ZNF713: variants seen among roughly 807,000 people sequenced by gnomAD.
ZNF713 encodes the protein zinc finger protein 713.
In ZNF713, 21 loss-of-function variants were observed where a neutral mutation model predicts 28.7. The ratio of observed to expected loss-of-function variants is 0.73; its 90% CI spans 0.52 to 1.05. ZNF713 has a LOEUF of 1.05. Among genes scored for constraint, ZNF713 ranks in the 50% least tolerant of loss-of-function variants. The pLI, the probability that ZNF713 is intolerant of heterozygous loss-of-function variation, is 0.00. For missense variants in ZNF713, 458 were observed against 532.4 expected (o/e 0.86, Z 1.37); for synonymous variants, 167 against 178.0 (o/e 0.94, Z 0.49).
intron 1 of ZNF713, among the ~76,000 whole-genome samples, chr7:55,890,136 C>T (rs1785351657): frequency 6.6e-6 from 1 of 152,106 alleles, no homozygotes; most frequent in Admixed American, 6.6e-5. Context: ...ATTAAGACCC[C>T]ACCTTTATGA....
intron 4 of ZNF713, among the ~76,000 whole-genome samples, chr7:55,913,181 A>G (rs1584306859): frequency 6.8e-6 from 1 of 146,500 alleles, no homozygotes; most frequent in African/African-American, 2.5e-5. Flanking sequence ...ACCTGTTTAA[A>G]TCTGTTTTGA....
chr7:55,906,683 TA>T (rs1268634683), intron 2 of ZNF713, among the ~76,000 whole-genome samples: 2 of 152,188 alleles, frequency 1.3e-5, no homozygotes, highest in African/African-American at 4.8e-5. Context: ...AGCTGTGTTT[TA>T]TTTTTGGGAA....
intron 1 of ZNF713, among the ~76,000 whole-genome samples, chr7:55,900,059 A>G (rs1785545059): frequency 1.3e-5 from 2 of 152,120 alleles, no homozygotes; most frequent in Admixed American, 6.5e-5. Context: ...TATATATTCA[A>G]AGGAATTGAA....
At chr7:55,892,555 CAA>C (rs56338467) in intron 1 of ZNF713, among the ~76,000 whole-genome samples, 21 of 74,366 alleles carry the variant, frequency 2.8e-4, no homozygotes, top group Non-Finnish European at 4.4e-4. Context: ...AAGCACTGAC[CAA>C]AAAAAAAAAA....
chr7:55,911,395 C>T (rs910807811), intron 2 of ZNF713, among the ~76,000 whole-genome samples: 6 of 152,198 alleles, frequency 3.9e-5, no homozygotes, highest in African/African-American at 1.4e-4. Context: ...AAGAAAAGGA[C>T]TGAGGCTGAA....
At chr7:55,930,620 G>A (rs992368123) in intron 6 of ZNF713, among the ~76,000 whole-genome samples, 25 of 152,226 alleles carry the variant, frequency 1.6e-4, no homozygotes, top group Admixed American at 2.6e-4. Context: ...TTAGCTAAGC[G>A]TGGTGGTGCA....
At chr7:55,936,799 G>C (rs1289177062) in intron 6 of ZNF713, among the ~76,000 whole-genome samples, 3 of 152,130 alleles carry the variant, frequency 2.0e-5, no homozygotes, top group Non-Finnish European at 4.4e-5. Flanking sequence ...GCCCAAAGTA[G>C]AGATATATCT....
intron 1 of ZNF713, among the ~76,000 whole-genome samples, chr7:55,900,429 C>T (rs1785554405): frequency 1.3e-5 from 2 of 151,648 alleles, no homozygotes; most frequent in South Asian, 4.2e-4. Context: ...GATTGCACCA[C>T]TGCACTCCAG....
rs550707418 is a variant in ZNF713, at chr7:55,912,443, C to T, written c.-2-192C>T. Among the ~76,000 whole-genome samples, 94 of 152,252 alleles carry T rather than the reference C, an allele frequency of 6.2e-4. 1 individual carries two copies. The highest frequency in any genetic ancestry group is 2.0e-3 in the African/African-American group (81 of 41,536). On this transcript the variant is annotated intron_variant, in intron 3 of 6. Transcript: ENST00000429591. ...GCCACAACAAGGGGAGTTGCACCCC[C>T]GAAGACAGACAGTTCTGCATTGAAT...
At chr7:55,897,328 G>A (rs1785492094) in intron 1 of ZNF713, among the ~76,000 whole-genome samples, 1 of 151,212 alleles carries the variant, frequency 6.6e-6, no homozygotes, top group Non-Finnish European at 1.5e-5. Context: ...ATGGCTCGCT[G>A]GAGTGCAGTG....
chr7:55,904,649 T>C (rs1452659994), intron 1 of ZNF713, among the ~76,000 whole-genome samples: 1 of 151,554 alleles, frequency 6.6e-6, no homozygotes, highest in Non-Finnish European at 1.5e-5. Flanking sequence ...TTTTGAAGAG[T>C]TGTGGCCTTG....
At chr7:55,919,001 A>G (rs561107279) in intron 4 of ZNF713, among the ~76,000 whole-genome samples, 1 of 151,962 alleles carries the variant, frequency 6.6e-6, no homozygotes, top group African/African-American at 2.4e-5. Flanking sequence ...CTCAAAAGAA[A>G]GAAAAAAAAA....
At chr7:55,923,527 A>C (rs1280196036) in intron 5 of ZNF713, 80 bp from the exon 6 acceptor site, 4 of 1,311,772 alleles carry the variant, frequency 3.0e-6, no homozygotes, top group East Asian at 2.5e-5. Flanking sequence ...GAGGCTCTAA[A>C]GATTGAAAAG....
intron 1 of ZNF713, among the ~76,000 whole-genome samples, 172 bp downstream of exon 1, chr7:55,887,852 GGCGGGCGGCGGGCGGCGGC>G (rs1446207283): frequency 0.21 from 4,729 of 22,896 alleles, 1,523 homozygotes; most frequent in East Asian, 0.52. Context: ...CGGCGGCGGC[GGCGGGCGGCGGGCGGCGGC>G]GGCGGCGGCG....
chr7:55,903,864 A>G (rs1289809604), intron 1 of ZNF713, among the ~76,000 whole-genome samples: 2 of 152,126 alleles, frequency 1.3e-5, no homozygotes, highest in Non-Finnish European at 2.9e-5. Context: ...CAGGAGAGTA[A>G]CTGCAGAGAG....
At chr7:55,911,366 TCTC>T (rs1464502924) in intron 2 of ZNF713, among the ~76,000 whole-genome samples, 52 of 152,358 alleles carry the variant, frequency 3.4e-4, no homozygotes, top group African/African-American at 1.2e-3. Context: ...GAGCATGTGT[TCTC>T]TGTTCTGGAA....
intron 6 of ZNF713, among the ~76,000 whole-genome samples, chr7:55,935,141 G>T (rs990755783): frequency 6.6e-6 from 1 of 151,836 alleles, no homozygotes; most frequent in Non-Finnish European, 1.5e-5. Context: ...CGCCCACCTT[G>T]ACCTCCCAAA....
Position 55,934,281 on chromosome 7 carries a change from T to G in ZNF713, c.308-4701T>G, listed in dbSNP as rs558220222. 2.6e-5 allele frequency among the ~76,000 whole-genome samples: 4 copies of G among 152,180 alleles called. No homozygotes were observed. In the South Asian group the frequency reaches 8.3e-4, roughly 32 times the overall value. On this transcript the variant is annotated intron_variant, in intron 6 of 6. Transcript: ENST00000429591. ...ATGTACTTGCGCACAAAACTTCGTG[T>G]TCAATTTTAGCAGGTCTACAGATCC...
intron 2 of ZNF713, among the ~76,000 whole-genome samples, chr7:55,908,145 T>G (rs1472980998): frequency 1.5e-5 from 2 of 132,960 alleles, no homozygotes; most frequent in Admixed American, 7.3e-5. Flanking sequence ...GTTTTTTTTT[T>G]TTTTTTTTTT....
Sources: gnomAD v4.1 joint callset for allele counts (sites outside exome capture counted in the v4.1 genomes callset) on GRCh38, gnomAD v4.1.1 for gene constraint, MANE v1.5 for transcripts, NCBI Gene and HGNC (gene_info 2026-07-23, HGNC 2026-07-21) for gene names.